The following EBF1 variants were observed in gnomAD, a reference collection of about 807,000 sequenced individuals.
EBF1 encodes EBF transcription factor 1.
Under a neutral mutation model 68.4 loss-of-function variants are expected in EBF1, and 10 were observed. The observed-to-expected ratio is 0.15, with a 90% CI of 0.09 to 0.25. The LOEUF is 0.25. Among genes scored for constraint, EBF1 ranks in the 10% least tolerant of loss-of-function variants. The pLI is 1.00. For synonymous variants in EBF1, 298 were observed against 299.8 expected (o/e 0.99, Z 0.06); for missense variants, 509 against 794.4 (o/e 0.64, Z 4.32).
intron 9 of EBF1, among the ~76,000 whole-genome samples, chr5:158,779,415 A>G (rs1394338861): frequency 6.6e-6 from 1 of 152,192 alleles, no homozygotes; most frequent in Non-Finnish European, 1.5e-5. Context: ...TTTTAAAGGT[A>G]GTAACAAACT....
chr5:159,049,819 A>G (rs1047526684), intron 6 of EBF1, among the ~76,000 whole-genome samples: 3 of 152,164 alleles, frequency 2.0e-5, no homozygotes, highest in Non-Finnish European at 4.4e-5. Flanking sequence ...TACATATCAC[A>G]TCGTGTTCTT....
At chr5:159,086,790 GT>G (rs1780712125) in intron 4 of EBF1, among the ~76,000 whole-genome samples, 4 of 152,044 alleles carry the variant, frequency 2.6e-5, no homozygotes, top group Non-Finnish European at 4.4e-5. Context: ...TTCTGTAGAC[GT>G]AATCCAGATT....
chr5:158,701,774 T>C (rs971479510), intron 15 of EBF1, among the ~76,000 whole-genome samples: 12 of 152,314 alleles, frequency 7.9e-5, no homozygotes, highest in Middle Eastern at 3.4e-3. Context: ...TAGCACAAAA[T>C]TGAAATTAAA....
At chr5:158,908,179 A>G (rs778024578) in intron 6 of EBF1, among the ~76,000 whole-genome samples, 2 of 152,212 alleles carry the variant, frequency 1.3e-5, no homozygotes, top group Admixed American at 1.3e-4. Context: ...TAAAATACAC[A>G]GTACCTGCTG....
chr5:158,977,104 G>A (rs759965287), intron 6 of EBF1, among the ~76,000 whole-genome samples: 1 of 152,146 alleles, frequency 6.6e-6, no homozygotes, highest in Non-Finnish European at 1.5e-5. Flanking sequence ...AATGGACAGC[G>A]ACTATCATGG....
At chr5:158,722,424 G>C (rs1762112372) in intron 11 of EBF1, among the ~76,000 whole-genome samples, 1 of 152,226 alleles carries the variant, frequency 6.6e-6, no homozygotes, top group African/African-American at 2.4e-5. Flanking sequence ...GAGCTTAAAA[G>C]TAGAGGGACT....
chr5:159,090,094 A>G (rs1287191425), intron 4 of EBF1, among the ~76,000 whole-genome samples: 2 of 152,112 alleles, frequency 1.3e-5, no homozygotes, highest in African/African-American at 4.8e-5. Flanking sequence ...CCAAAAGTGA[A>G]ATGTCTTCTG....
chr5:158,890,534 C>A (rs1033082076), intron 6 of EBF1, among the ~76,000 whole-genome samples: 2 of 152,350 alleles, frequency 1.3e-5, no homozygotes, highest in South Asian at 2.1e-4. Context: ...ATCTTACATA[C>A]CTCAGTCATT....
Position 158,826,442 on chromosome 5 carries a change from A to G in EBF1, c.637-3125T>C, listed in dbSNP as rs2127884058. On this transcript the variant is annotated intron_variant, in intron 7 of 15. Transcript: ENST00000313708. The stretch of plus-strand genomic sequence containing the variant: ...GCCTACTGCATTGGACACGGTGAAC[A>G]GGGAATTTTTTTATCATTGCAGAAT... Among the ~76,000 whole-genome samples the G allele has an allele frequency of 1.3e-5, 2 of 152,308 alleles. 1 individual carries two copies. Among genetic ancestry groups the G allele is most frequent in the East Asian group, 3.9e-4 (2 of 5,180 alleles).
At chr5:159,084,790 A>G in intron 4 of EBF1, 51 bp from the exon 5 acceptor site, 1 of 1,494,458 alleles carries the variant, frequency 6.7e-7, no homozygotes, top group South Asian at 1.3e-5. Flanking sequence ...GTAGCAGAAA[A>G]AAAAAAAAAA....
intron 6 of EBF1, among the ~76,000 whole-genome samples, chr5:158,861,614 C>T (rs1231823655): frequency 6.6e-6 from 1 of 152,170 alleles, no homozygotes; most frequent in Non-Finnish European, 1.5e-5. Context: ...CCGGAATTAG[C>T]TTAGTCAAAT....
At chr5:159,003,448 A>G (rs1762951845) in intron 6 of EBF1, among the ~76,000 whole-genome samples, 1 of 141,098 alleles carries the variant, frequency 7.1e-6, no homozygotes. Context: ...GGCACAGGAA[A>G]CACAACTGCA....
chr5:158,987,336 T>A (rs1275316411), intron 6 of EBF1: 1 of 152,194 alleles, frequency 6.6e-6, no homozygotes. Flanking sequence ...GCACCACTAT[T>A]GTTATTTTTC....
Position 158,696,911 on chromosome 5 carries a change from CTTTTTTTCT to C in EBF1, c.*2191_*2199del. On this transcript the variant is annotated 3_prime_UTR_variant, in exon 16 of 16. Coordinates refer to ENST00000313708, the MANE Select transcript of EBF1 (RefSeq NM_024007.5). The stretch of plus-strand genomic sequence containing the variant: ...TCGATTTCTTTGTTTTTTTTTTTTT[CTTTTTTTCT>C]TTTTCTTTTTTCTTAGAATGTTAGT... 5.9e-6 allele frequency: 1 copy of C among 169,528 alleles called. No individual in the cohort carries two copies. 10.5% of individuals were successfully genotyped at this position (169,528 alleles called of 1,614,324 possible). A position where few individuals can be genotyped will look rare whatever the true frequency, so the allele number is the denominator to read the frequency against.
chr5:158,787,472 A>T (rs1019552441), intron 9 of EBF1, among the ~76,000 whole-genome samples: 16 of 152,056 alleles, frequency 1.1e-4, no homozygotes, highest in Admixed American at 7.9e-4. Flanking sequence ...TTTTTATTTT[A>T]TTTACTTTTT....
intron 6 of EBF1, among the ~76,000 whole-genome samples, chr5:159,072,467 A>G (rs1050135717): frequency 3.3e-5 from 5 of 152,190 alleles, no homozygotes; most frequent in Non-Finnish European, 7.4e-5. Context: ...CTGAAACCCA[A>G]AAAGGGACTT....
intron 6 of EBF1, among the ~76,000 whole-genome samples, chr5:158,879,938 A>C (rs2128086173): frequency 6.6e-6 from 1 of 152,310 alleles, no homozygotes. Flanking sequence ...CAGGGCAGGA[A>C]GGGTGTTTAG....
At chr5:158,847,899 G>T (rs1235430169) in intron 6 of EBF1, among the ~76,000 whole-genome samples, 1 of 152,184 alleles carries the variant, frequency 6.6e-6, no homozygotes. Context: ...TGCACTTCTG[G>T]ATTACTGGTG....
At chr5:158,818,020 A>G (rs553098329) in intron 8 of EBF1, among the ~76,000 whole-genome samples, 98 of 152,286 alleles carry the variant, frequency 6.4e-4, no homozygotes, top group Admixed American at 6.2e-3. Context: ...GTCATGTGCC[A>G]ATAGCTTTAG....
Sources: allele counts gnomAD v4.1 joint callset (sites outside exome capture counted in the v4.1 genomes callset), GRCh38; gene constraint gnomAD v4.1.1; transcripts MANE v1.5; gene names NCBI Gene and HGNC (gene_info 2026-07-23, HGNC 2026-07-21).